ABCA13: variants seen among roughly 807,000 people sequenced by gnomAD.
ABCA13 encodes the protein ATP-binding cassette sub-family A member 13.
A neutral mutation model predicts 478.7 loss-of-function variants in ABCA13; 476 were observed. The ratio of observed to expected loss-of-function variants is 0.99; its 90% confidence interval spans 0.92 to 1.07. The LOEUF is 1.07. Ranked by LOEUF, ABCA13 falls within the 50% of genes least tolerant of loss-of-function variation. The probability of loss-of-function intolerance (pLI) is 0.00; values close to 1 mark genes in which losing one functional copy is unlikely to be tolerated. For missense variants in ABCA13, 6,060 were observed against 5,910.6 expected (o/e 1.03, Z -0.83); for synonymous variants, 2,252 against 2,158.9 (o/e 1.04, Z -1.20).
At chr7:48,219,320 A>G (rs765158770) in intron 3 of ABCA13, 34 bp from the exon 4 acceptor site, 84 of 1,566,084 alleles carry the variant, frequency 5.4e-5, no homozygotes, top group Non-Finnish European at 7.1e-5. Context: ...TTCTTGTTAA[A>G]GAGTTTCACT....
At chr7:48,552,494 A>G (rs1000116858) in intron 55 of ABCA13, among the ~76,000 whole-genome samples, 16 of 151,738 alleles carry the variant, frequency 1.1e-4, no homozygotes, top group African/African-American at 3.6e-4. Context: ...ACATAGGTTG[A>G]ATAGAAATGT....
chr7:48,601,681 A>C (rs1034688990), intron 58 of ABCA13, among the ~76,000 whole-genome samples: 1 of 152,210 alleles, frequency 6.6e-6, no homozygotes. Flanking sequence ...CTCAGTAAAC[A>C]TATGTGTGCA....
chr7:48,352,330 C>G lies in ABCA13; in HGVS notation c.10531C>G (p.Gln3511Glu), dbSNP rs778249979. ...VKNPSWKFHP[Q>E]NLPADGFKYN... ...AAACCCTTCTTGGAAGTTCCACCCT[C>G]AGAATCTACCAGCTGATGGGTTCAA... Residue 3511 changes from glutamine (Q) to glutamate (E), a missense_variant, in exon 31 of 62, where the codon CAG becomes GAG. By Grantham distance (29) the Gln-to-Glu change is conservative (BLOSUM62 2). Around this residue, in one of 3 missense-constraint regions of ABCA13, gnomAD observed 4,423 missense variants for 4,309.1 expected, o/e 1.03. Transcript: ENST00000435803. The G allele has an allele frequency of 1.2e-5, 19 of 1,613,724 alleles. No individual in the cohort carries two copies. Among genetic ancestry groups the G allele is most frequent in the Non-Finnish European group, 1.4e-5 (17 of 1,179,892 alleles).
At position 48,580,310 on chromosome 7, in the gene ABCA13, CT is replaced by C; in HGVS notation, c.14442del (p.Gly4815ValfsTer85). ...CAGGATGCCCTGGACGAGCTTCTGA[CT>C]GGTTGGGAACATCTCTATTATTACT... Reference protein sequence around the residue: ...PQQDALDELLTGWEHLYYYCS... With the variant: ...PQQDALDELLXGWEHLYYYCS... On this transcript the variant is annotated frameshift_variant, in exon 56 of 62. Transcript: ENST00000435803. LOFTEE classifies it high-confidence loss of function. The C allele has an allele frequency of 6.2e-7, 1 of 1,613,056 alleles. No homozygotes were observed. Among genetic ancestry groups the C allele is most frequent in the South Asian group, 1.1e-5 (1 of 90,870 alleles).
intron 3 of ABCA13, among the ~76,000 whole-genome samples, chr7:48,207,241 T>A (rs1427970948): frequency 6.6e-6 from 1 of 152,174 alleles, no homozygotes; most frequent in Non-Finnish European, 1.5e-5. Flanking sequence ...CTTGGCTGTT[T>A]TGAATAATGC....
intron 3 of ABCA13, among the ~76,000 whole-genome samples, chr7:48,209,231 G>GTAAAT (rs1785313635): frequency 6.6e-6 from 1 of 151,954 alleles, no homozygotes; most frequent in African/African-American, 2.4e-5. Flanking sequence ...ATTAAATTCA[G>GTAAAT]TTAAATGTAA....
At chr7:48,175,474 G>C (rs998596915) in intron 1 of ABCA13, among the ~76,000 whole-genome samples, 1 of 152,194 alleles carries the variant, frequency 6.6e-6, no homozygotes, top group East Asian at 1.9e-4. Flanking sequence ...AGGCTGGAGT[G>C]CAATGGTGTG....
Position 48,273,026 on chromosome 7 carries a change from T to A in ABCA13, c.3360T>A (p.Phe1120Leu). 6.2e-7 allele frequency: 1 copy of A among 1,613,750 alleles called. No individual in the cohort carries two copies. The highest frequency in any genetic ancestry group is 8.5e-7 in the Non-Finnish European group (1 of 1,179,764). ...ATTCAACAAGTGAGGAGTCTTCATT[T>A]GTTTTTCCATTGGCACAAATTTTTT... ...VNYSTSEESSFVFPLAQIFSN... is the reference protein window; with the variant it reads ...VNYSTSEESSLVFPLAQIFSN... Residue 1120 changes from phenylalanine to leucine, a missense_variant, in exon 17 of 62, where the codon TTT (phenylalanine) becomes TTA (leucine). By Grantham distance (22) the Phe-to-Leu change is conservative (BLOSUM62 0). Coordinates refer to ENST00000435803, the MANE Select transcript of ABCA13 (RefSeq NM_152701.5).
At chr7:48,629,405 C>T (rs150091820) in intron 59 of ABCA13, among the ~76,000 whole-genome samples, 1 of 152,022 alleles carries the variant, frequency 6.6e-6, no homozygotes, top group East Asian at 1.9e-4. Flanking sequence ...TTGGGAGAAG[C>T]TTTTCTTACT....
chr7:48,473,814 C>G (rs527439168), intron 45 of ABCA13, among the ~76,000 whole-genome samples: 47 of 152,208 alleles, frequency 3.1e-4, no homozygotes, highest in Admixed American at 5.2e-4. Context: ...TTTTGTTTGT[C>G]TTTTTTCTAG....
chr7:48,228,802 TC>T (rs1788631692), intron 6 of ABCA13, among the ~76,000 whole-genome samples: 1 of 152,260 alleles, frequency 6.6e-6, no homozygotes, highest in African/African-American at 2.4e-5. Flanking sequence ...TTGAAATGCC[TC>T]CCTTTGTATT....
chr7:48,622,485 T>C (rs978789523), intron 59 of ABCA13, among the ~76,000 whole-genome samples: 2 of 152,202 alleles, frequency 1.3e-5, no homozygotes, highest in African/African-American at 2.4e-5. Flanking sequence ...TTATAAAATC[T>C]GTAGAGTGTG....
chr7:48,462,220 A>AT (rs1826326090), intron 43 of ABCA13, among the ~76,000 whole-genome samples: 1 of 152,092 alleles, frequency 6.6e-6, no homozygotes, highest in Non-Finnish European at 1.5e-5. Flanking sequence ...GTATTACGGT[A>AT]TTATAAGGCA....
rs772058850 is a variant in ABCA13 at position 48,248,419 on chromosome 7, T to A, written c.1840T>A (p.Cys614Ser). The A allele has an allele frequency of 1.2e-5, 20 of 1,609,156 alleles. No individual in the cohort carries two copies. The highest frequency in any genetic ancestry group is 1.4e-5 in the Non-Finnish European group (17 of 1,177,482). The change falls in exon 14 of 62, where the codon TGT becomes AGT. Residue 614 changes from cysteine to serine, a missense_variant. Around this residue, in one of 3 missense-constraint regions of ABCA13, gnomAD observed 4,423 missense variants for 4,309.1 expected, o/e 1.03. Coordinates refer to ENST00000435803, the MANE Select transcript of ABCA13 (RefSeq NM_152701.5). ...SPENDVFSSDCKHQLVSTVIF... is the reference protein window; with the variant it reads ...SPENDVFSSDSKHQLVSTVIF... ...TGAGAATGATGTCTTTTCTAGTGAC[T>A]GTAAGCACCAGCTTGTCTCCACAGT... is the stretch of plus-strand genomic sequence containing the variant.
intron 51 of ABCA13, among the ~76,000 whole-genome samples, chr7:48,511,570 T>C (rs955050947): frequency 2.8e-4 from 42 of 152,212 alleles, no homozygotes; most frequent in African/African-American, 9.9e-4. Flanking sequence ...CAGCAAGCTC[T>C]CTGGCATTTT....
At chr7:48,642,658 T>A (rs950722082) in intron 59 of ABCA13, among the ~76,000 whole-genome samples, 3 of 152,160 alleles carry the variant, frequency 2.0e-5, no homozygotes, top group Non-Finnish European at 4.4e-5. Context: ...GATTGCTATT[T>A]GAGGTTACCT....
At chr7:48,337,849 T>C (rs1175500853) in intron 28 of ABCA13, among the ~76,000 whole-genome samples, 1 of 152,134 alleles carries the variant, frequency 6.6e-6, no homozygotes, top group East Asian at 1.9e-4. Context: ...CATTGAAAAA[T>C]GAGGCAAAGT....
chr7:48,188,726 C>A (rs1488006921), intron 1 of ABCA13, among the ~76,000 whole-genome samples: 1 of 151,972 alleles, frequency 6.6e-6, no homozygotes, highest in Non-Finnish European at 1.5e-5. Flanking sequence ...CCCAGGAGTC[C>A]TTTTTGTGTA....
In ABCA13 at chr7:48,275,172, T is replaced by G. The variant is rs778944444; in HGVS notation, c.5506T>G (p.Ser1836Ala). The G allele has an allele frequency of 6.2e-7, 1 of 1,613,958 alleles. No homozygotes were observed. The highest frequency in any genetic ancestry group is 1.1e-5 in the South Asian group (1 of 91,082). ...CACAAATTCTGGATTTCGGCAGAAT[T>G]CAAAGATAGACCCCTGCAATGTCCA... Reference protein sequence around the residue: ...NHTNSGFRQNSKIDPCNVHGL... With the variant: ...NHTNSGFRQNAKIDPCNVHGL... Residue 1836 changes from serine (S) to alanine (A), a missense_variant, in exon 17 of 62, where the codon TCA becomes GCA. Physicochemically the swap from Ser to Ala is moderately conservative, Grantham distance 99 (BLOSUM62 1). Coordinates refer to ENST00000435803, the MANE Select transcript of ABCA13 (RefSeq NM_152701.5).
Sources: allele counts gnomAD v4.1 joint callset (sites outside exome capture counted in the v4.1 genomes callset), GRCh38; gene constraint gnomAD v4.1.1; regional missense constraint gnomAD v4.1.1; transcripts MANE v1.5; gene names NCBI Gene and HGNC (gene_info 2026-07-23, HGNC 2026-07-21).